The following NF2 variants were observed in gnomAD, a reference collection of about 807,000 sequenced individuals.
NF2 encodes the protein NF2, moesin-ezrin-radixin like (MERLIN) tumor suppressor, also known as merlin.
NF2 carries 8 observed loss-of-function variants against 83.7 expected under a neutral mutation model. The ratio of observed to expected loss-of-function variants is 0.10; its 90% CI spans 0.06 to 0.17. The LOEUF is 0.17. Ranked by LOEUF, NF2 falls within the 10% of genes least tolerant of loss-of-function variation. NF2 has a pLI of 1.00. For synonymous variants in NF2, 266 were observed against 269.6 expected, an observed-to-expected ratio of 0.99 and a Z score of 0.13; for missense variants, 533 against 744.4, an observed-to-expected ratio of 0.72 and a Z score of 3.31.
intron 3 of NF2, among the ~76,000 whole-genome samples, chr22:29,641,096 G>A (rs1247216696): frequency 2.0e-5 from 3 of 152,210 alleles, no homozygotes; most frequent in African/African-American, 7.2e-5. Context: ...TTGCGCCATT[G>A]CACTCCAGCC....
intron 15 of NF2, among the ~76,000 whole-genome samples, chr22:29,688,423 C>T (rs1270599665): frequency 1.3e-5 from 2 of 152,216 alleles, no homozygotes; most frequent in African/African-American, 4.8e-5. Context: ...ATGATCCTTG[C>T]TGTGATTTCT....
At chr22:29,679,609 G>C (rs2067067924) in intron 14 of NF2, among the ~76,000 whole-genome samples, 1 of 152,196 alleles carries the variant, frequency 6.6e-6, no homozygotes. Flanking sequence ...GCTCATGCCT[G>C]TAATTCCAGC....
intron 15 of NF2, among the ~76,000 whole-genome samples, chr22:29,692,601 C>T (rs1208169905): frequency 6.6e-6 from 1 of 152,192 alleles, no homozygotes; most frequent in Non-Finnish European, 1.5e-5. Context: ...GGGCTCCCTG[C>T]CTGGGGAAGT....
At chr22:29,652,722 C>T (rs1383143265) in intron 4 of NF2, among the ~76,000 whole-genome samples, 1 of 152,084 alleles carries the variant, frequency 6.6e-6, no homozygotes, top group Non-Finnish European at 1.5e-5. Context: ...CAAAAATTTC[C>T]AAGGCCACAT....
intron 8 of NF2, among the ~76,000 whole-genome samples, chr22:29,663,668 C>G (rs141214819): frequency 6.6e-6 from 1 of 152,236 alleles, no homozygotes; most frequent in Admixed American, 6.5e-5. Flanking sequence ...TCTAAGTTAA[C>G]TTGGCTGAAA....
At chr22:29,606,878 CTACTAAAAA>C (rs747060813) in intron 1 of NF2, among the ~76,000 whole-genome samples, 21 of 152,100 alleles carry the variant, frequency 1.4e-4, no homozygotes, top group Non-Finnish European at 2.5e-4. Flanking sequence ...AACCCCATCT[CTACTAAAAA>C]TACAAAAATT....
intron 15 of NF2, among the ~76,000 whole-genome samples, chr22:29,689,901 C>T (rs141094575): frequency 1.7e-3 from 256 of 152,334 alleles, no homozygotes; most frequent in Middle Eastern, 3.4e-3. Flanking sequence ...GGCTCCGTGC[C>T]GGAATACATT....
chr22:29,695,471 C>G lies in NF2; in HGVS notation c.*669C>G, dbSNP rs2067524306. 1 of 249,992 alleles carries G rather than the reference C, an allele frequency of 4.0e-6. No homozygotes were observed. The highest frequency in any genetic ancestry group is 4.8e-5 in the Admixed American group (1 of 20,876). 15.5% of individuals were successfully genotyped at this position (249,992 alleles called of 1,614,324 possible). A position where few individuals can be genotyped will look rare whatever the true frequency, so the allele number is the denominator to read the frequency against. The stretch of plus-strand genomic sequence containing the variant: ...AGAAGCTGTGATGCAGGCTGACTGC[C>G]AGCCGAGGGGCTGGGTAGTGCCGTG... On this transcript the variant is annotated 3_prime_UTR_variant, in exon 16 of 16. Transcript: ENST00000338641. The surrounding 1 kb of genome is among the most constrained non-coding windows in gnomAD (Gnocchi z 5.4).
At chr22:29,643,531 G>A (rs1054170055) in intron 4 of NF2, among the ~76,000 whole-genome samples, 4 of 152,146 alleles carry the variant, frequency 2.6e-5, no homozygotes, top group African/African-American at 9.7e-5. Context: ...GTTTAACAAA[G>A]CACATCTTGC....
chr22:29,690,616 A>G (rs974793105), intron 15 of NF2, among the ~76,000 whole-genome samples: 3 of 152,222 alleles, frequency 2.0e-5, no homozygotes, highest in African/African-American at 7.2e-5. Context: ...CCCCAGAGAA[A>G]GAAAAGGAAG....
At position 29,697,292 on chromosome 22, in the gene NF2, G is replaced by GC. The variant is rs1352586293; in HGVS notation, c.*2492dup. On this transcript the variant is annotated 3_prime_UTR_variant, in exon 16 of 16. Transcript: ENST00000338641. ...TGTCTACTTCTGAAGTCTGGGAAGT[G>GC]CCAAGCCACGCGGCCTCAAGGGAGC... 4.9e-6 allele frequency: 1 copy of GC among 203,358 alleles called. No homozygotes were observed. The highest frequency in any genetic ancestry group is 2.3e-5 in the African/African-American group (1 of 43,606). 12.6% of individuals were successfully genotyped at this position (203,358 alleles called of 1,614,324 possible).
intron 2 of NF2, among the ~76,000 whole-genome samples, chr22:29,637,235 T>C (rs943281634): frequency 1.3e-5 from 2 of 152,252 alleles, no homozygotes; most frequent in African/African-American, 4.8e-5. Context: ...TTGTGTCTTT[T>C]AGAGAGTATT....
rs557375043 is a variant in NF2 at position 29,682,869 on chromosome 22, G to A, written c.1737+1268G>A. The A allele has an allele frequency of 4.1e-5, 35 of 857,010 alleles. No homozygotes were observed. The African/African-American group carries it at 4.6e-4, about 11-fold the overall frequency. The allele number at this position is 857,010 out of a possible 1,614,324, so 53.1% of individuals were successfully genotyped here. ...AGCCACAGAAACCTGCAGTGTGAGA[G>A]CTGGAGAGACCCCGTTCCAAGCCAT... On this transcript the variant is annotated intron_variant, in intron 15 of 15. Transcript: ENST00000338641.
chr22:29,692,254 G>C (rs749408090), intron 15 of NF2, among the ~76,000 whole-genome samples: 1 of 152,208 alleles, frequency 6.6e-6, no homozygotes, highest in South Asian at 2.1e-4. Flanking sequence ...CCCAGTGGCT[G>C]TGGTGCCTTC....
At chr22:29,640,768 CGTGT>C (rs10555211) in intron 3 of NF2, among the ~76,000 whole-genome samples, 128 of 148,936 alleles carry the variant, frequency 8.6e-4, no homozygotes, top group Non-Finnish European at 1.0e-3. Context: ...GTCTGGGGGG[CGTGT>C]GTGTGTGTGT....
At chr22:29,693,124 T>A (rs1206489973) in intron 15 of NF2, among the ~76,000 whole-genome samples, 2 of 152,240 alleles carry the variant, frequency 1.3e-5, no homozygotes, top group African/African-American at 4.8e-5. Context: ...CAGCTAAATC[T>A]CTTCCTCCTT....
chr22:29,681,071 A>G (rs961392587), intron 14 of NF2, among the ~76,000 whole-genome samples: 5 of 151,400 alleles, frequency 3.3e-5, no homozygotes, highest in Non-Finnish European at 5.9e-5. Context: ...TTTTTTTAAA[A>G]ATAGAGACAG....
At chr22:29,625,198 A>C (rs1181434098) in intron 1 of NF2, among the ~76,000 whole-genome samples, 1 of 152,054 alleles carries the variant, frequency 6.6e-6, no homozygotes, top group Non-Finnish European at 1.5e-5. Flanking sequence ...AAGTGTTGGG[A>C]TTACAGGCAC....
At chr22:29,617,847 C>T (rs1327424598) in intron 1 of NF2, among the ~76,000 whole-genome samples, 2 of 152,178 alleles carry the variant, frequency 1.3e-5, no homozygotes, top group Non-Finnish European at 2.9e-5. Flanking sequence ...GAAAGTGCAT[C>T]GGCTTTGAAA....
Sources: gnomAD v4.1 joint callset for allele counts (sites outside exome capture counted in the v4.1 genomes callset) on GRCh38, gnomAD v4.1.1 for gene constraint, Gnocchi (gnomAD v3.1) non-coding constraint, MANE v1.5 for transcripts, NCBI Gene and HGNC (gene_info 2026-07-23, HGNC 2026-07-21) for gene names.